The following NAALADL2 variants were observed in gnomAD, a reference collection of about 807,000 sequenced individuals.
NAALADL2 encodes N-acetylated alpha-linked acidic dipeptidase like 2.
In NAALADL2, 76 loss-of-function variants were observed where a neutral mutation model predicts 87.2. That is an observed-to-expected ratio of 0.87 (90% CI 0.72 to 1.05). The LOEUF is 1.05. Ranked by LOEUF, NAALADL2 falls within the 50% of genes least tolerant of loss-of-function variation. NAALADL2 has a pLI of 0.00. For synonymous variants in NAALADL2, 354 were observed against 331.0 expected, an observed-to-expected ratio of 1.07 and a Z score of -0.75; for missense variants, 1,089 against 945.8, an observed-to-expected ratio of 1.15 and a Z score of -1.99.
intron 1 of NAALADL2, among the ~76,000 whole-genome samples, chr3:174,962,950 A>G (rs1222751526): frequency 1.3e-5 from 2 of 152,148 alleles, no homozygotes; most frequent in Non-Finnish European, 2.9e-5. Flanking sequence ...TAGAATACAT[A>G]TATTACCTAA....
intron 1 of NAALADL2, among the ~76,000 whole-genome samples, chr3:174,878,902 A>G (rs1282274705): frequency 6.6e-6 from 1 of 152,092 alleles, no homozygotes; most frequent in African/African-American, 2.4e-5. Context: ...AGAGGACCCA[A>G]TATGCCGACG....
chr3:175,604,316 T>C (rs1723377723), intron 10 of NAALADL2, among the ~76,000 whole-genome samples: 3 of 147,434 alleles, frequency 2.0e-5, no homozygotes, highest in Admixed American at 2.0e-4. Flanking sequence ...TTTTTTTTTT[T>C]TTTTTGAGAC....
chr3:174,957,585 A>C (rs1285998250), intron 1 of NAALADL2, among the ~76,000 whole-genome samples: 4 of 151,920 alleles, frequency 2.6e-5, no homozygotes, highest in African/African-American at 9.7e-5. Context: ...AAAAAGTTTT[A>C]AACTGTGGTA....
At chr3:175,353,935 A>G (rs768497652) in intron 5 of NAALADL2, among the ~76,000 whole-genome samples, 1 of 152,196 alleles carries the variant, frequency 6.6e-6, no homozygotes, top group Non-Finnish European at 1.5e-5. Flanking sequence ...CAGCTGGAAG[A>G]TTGACATCAT....
intron 2 of NAALADL2, among the ~76,000 whole-genome samples, chr3:174,571,278 GT>G: frequency 6.7e-6 from 1 of 150,232 alleles, no homozygotes; most frequent in Non-Finnish European, 1.5e-5. Context: ...AAAATCTTTC[GT>G]TTTTTTAGTG....
intron 5 of NAALADL2, among the ~76,000 whole-genome samples, chr3:175,401,689 A>C (rs1770581425): frequency 6.6e-6 from 1 of 152,182 alleles, no homozygotes; most frequent in Non-Finnish European, 1.5e-5. Flanking sequence ...ACAGCTAAAC[A>C]CAGAAAATGT....
chr3:174,987,811 A>ATATATATATAATT (rs1746155770), intron 1 of NAALADL2, among the ~76,000 whole-genome samples: 1 of 121,328 alleles, frequency 8.2e-6, no homozygotes, highest in African/African-American at 4.6e-5. Context: ...TATATATATA[A>ATATATATATAATT]TTATATATAT....
At chr3:175,438,509 G>A (rs1414051689) in intron 5 of NAALADL2, among the ~76,000 whole-genome samples, 1 of 152,070 alleles carries the variant, frequency 6.6e-6, no homozygotes, top group Non-Finnish European at 1.5e-5. Context: ...GTATCAGTTT[G>A]TTCAATTGAT....
chr3:174,457,547 C>T (rs970538757), intron 1 of NAALADL2, among the ~76,000 whole-genome samples: 12 of 152,052 alleles, frequency 7.9e-5, no homozygotes, highest in African/African-American at 2.7e-4. Flanking sequence ...TGAGATCATC[C>T]GGGCACGGAG....
chr3:174,646,552 CAATA>C, intron 2 of NAALADL2, among the ~76,000 whole-genome samples: 1 of 152,060 alleles, frequency 6.6e-6, no homozygotes, highest in South Asian at 2.1e-4. Context: ...AAAACAATCT[CAATA>C]AACAGTACAA....
intron 2 of NAALADL2, among the ~76,000 whole-genome samples, chr3:175,136,508 C>A (rs1358607701): frequency 6.6e-6 from 1 of 152,100 alleles, no homozygotes; most frequent in Admixed American, 6.5e-5. Context: ...ATTAGGGGAC[C>A]AGGAGGCCAA....
chr3:175,348,702 G>A (rs575501939), intron 5 of NAALADL2, among the ~76,000 whole-genome samples: 1 of 152,176 alleles, frequency 6.6e-6, no homozygotes, highest in South Asian at 2.1e-4. Flanking sequence ...TTTCTTTAAG[G>A]ATACTAGTGA....
At chr3:174,771,399 C>T (rs982262117) in intron 3 of NAALADL2, among the ~76,000 whole-genome samples, 27 of 151,892 alleles carry the variant, frequency 1.8e-4, no homozygotes, top group African/African-American at 6.3e-4. Flanking sequence ...GAGGTTTTAC[C>T]CAACAGAAGT....
At chr3:175,784,682 G>GT (rs1377411044) in intron 13 of NAALADL2, among the ~76,000 whole-genome samples, 9 of 127,550 alleles carry the variant, frequency 7.1e-5, no homozygotes, top group African/African-American at 2.1e-4. Flanking sequence ...TTTTTGAAGG[G>GT]TTTTTTGTGT....
At chr3:175,754,731 G>GTCCTGTTA (rs1258684606) in intron 12 of NAALADL2, among the ~76,000 whole-genome samples, 1 of 152,084 alleles carries the variant, frequency 6.6e-6, no homozygotes, top group African/African-American at 2.4e-5. Flanking sequence ...TTCTAATTCT[G>GTCCTGTTA]TCCTGTTATT....
intron 2 of NAALADL2, among the ~76,000 whole-genome samples, chr3:174,611,520 G>A (rs1324703459): frequency 2.0e-5 from 3 of 152,054 alleles, no homozygotes; most frequent in African/African-American, 7.2e-5. Context: ...CGGATACAGT[G>A]TTACAATAAT....
chr3:175,230,628 C>T (rs894946979), intron 2 of NAALADL2, among the ~76,000 whole-genome samples: 2 of 151,932 alleles, frequency 1.3e-5, no homozygotes, highest in African/African-American at 4.8e-5. Flanking sequence ...TAAAGGAAGC[C>T]TTGGAAAACT....
intron 1 of NAALADL2, among the ~76,000 whole-genome samples, chr3:174,924,549 T>C (rs1157723060): frequency 1.3e-5 from 2 of 152,186 alleles, no homozygotes; most frequent in Non-Finnish European, 2.9e-5. Context: ...TATAGCAGTA[T>C]GATTTATAAT....
At chr3:175,442,344 A>G (rs1296692746) in intron 5 of NAALADL2, among the ~76,000 whole-genome samples, 1 of 152,158 alleles carries the variant, frequency 6.6e-6, no homozygotes, top group Non-Finnish European at 1.5e-5. Flanking sequence ...TTTTCTTTAC[A>G]CAGCCAACCA....
Sources: allele counts gnomAD v4.1 joint callset (sites outside exome capture counted in the v4.1 genomes callset), GRCh38; gene constraint gnomAD v4.1.1; transcripts MANE v1.5; gene names NCBI Gene and HGNC (gene_info 2026-07-23, HGNC 2026-07-21).